ITGB6: variants seen among roughly 807,000 people sequenced by gnomAD.
ITGB6 encodes integrin beta-6.
In ITGB6, 80 loss-of-function variants were observed where a neutral mutation model predicts 84.5. The ratio of observed to expected loss-of-function variants is 0.95; its 90% CI spans 0.79 to 1.14. The LOEUF (loss-of-function observed/expected upper bound fraction) is 1.14, where lower values mean the gene tolerates loss of function less well. Ranked by LOEUF, ITGB6 falls within the 50% of genes most tolerant of loss-of-function variation. ITGB6 has a pLI of 0.00. For missense variants in ITGB6, 1,006 were observed against 968.0 expected (o/e 1.04, Z -0.52); for synonymous variants, 383 against 354.9 (o/e 1.08, Z -0.89).
chr2:160,142,038 C>G lies in ITGB6; in HGVS notation c.1051G>C (p.Gly351Arg). 2 of 1,607,960 alleles carry G rather than the reference C, an allele frequency of 1.2e-6. No homozygotes were observed. The highest frequency in any genetic ancestry group is 1.7e-6 in the Non-Finnish European group (2 of 1,176,148). Residue 351 changes from glycine (G) to arginine (R), a missense_variant, in exon 8 of 15, where the codon GGT becomes CGT. Gly to Arg is a moderately radical substitution (Grantham distance 125, BLOSUM62 -2). Coordinates refer to ENST00000283249, the MANE Select transcript of ITGB6 (RefSeq NM_000888.5). ...TTTCCGGAGTCCTTCTGAAGTAGAC[C>G]TACTGTAGCTCCAGGAATAAGTTTT... is the stretch of plus-strand genomic sequence containing the variant. The part of the protein sequence containing the change: ...YAKLIPGATV[G>R]LLQKDSGNIL...
chr2:160,178,688 C>T (rs867190232), intron 4 of ITGB6, among the ~76,000 whole-genome samples: 2 of 103,744 alleles, frequency 1.9e-5, no homozygotes, highest in African/African-American at 6.9e-5. Flanking sequence ...CTCTCTCTCT[C>T]TTTTTTTTTT....
chr2:160,162,198 A>T (rs184387602), intron 7 of ITGB6, among the ~76,000 whole-genome samples: 31 of 152,310 alleles, frequency 2.0e-4, no homozygotes, highest in Admixed American at 2.0e-3. Flanking sequence ...AATGGCTAAA[A>T]TGTAAAGTTT....
intron 7 of ITGB6, among the ~76,000 whole-genome samples, chr2:160,160,783 G>C (rs1381929044): frequency 6.6e-6 from 1 of 152,130 alleles, no homozygotes; most frequent in East Asian, 1.9e-4. Flanking sequence ...CAAACTTACA[G>C]TCCGGGCCAG....
chr2:160,101,489 T>C lies in ITGB6; in HGVS notation c.*247A>G, dbSNP rs1696718231. ...AATCATTTGATGATTTTTTGAAGCATTAATGCAACAGAGTTAGTATTCCTC... is the reference window on the plus strand; with the variant it reads ...AATCATTTGATGATTTTTTGAAGCACTAATGCAACAGAGTTAGTATTCCTC... On this transcript the variant is annotated 3_prime_UTR_variant, in exon 15 of 15. Coordinates refer to ENST00000283249, the MANE Select transcript of ITGB6 (RefSeq NM_000888.5). The C allele has an allele frequency of 2.5e-6, 1 of 398,480 alleles. No individual in the cohort carries two copies. The highest frequency in any genetic ancestry group is 4.5e-6 in the Non-Finnish European group (1 of 223,858). 24.7% of individuals were successfully genotyped at this position (398,480 alleles called of 1,614,324 possible). A position where few individuals can be genotyped will look rare whatever the true frequency, so the allele number is the denominator to read the frequency against.
At chr2:160,152,514 A>G (rs1272272570) in intron 7 of ITGB6, among the ~76,000 whole-genome samples, 1 of 152,232 alleles carries the variant, frequency 6.6e-6, no homozygotes, top group Non-Finnish European at 1.5e-5. Context: ...AAAAACTGGA[A>G]GCATTCCCTT....
chr2:160,195,422 T>A lies in ITGB6; in HGVS notation c.540A>T (p.Lys180Asn), dbSNP rs2105897644. Residue 180 changes from lysine (K) to asparagine (N), a missense_variant, in exon 4 of 15, where the codon AAA (lysine) becomes AAT (asparagine). Coordinates refer to ENST00000283249, the MANE Select transcript of ITGB6 (RefSeq NM_000888.5). The part of the protein sequence containing the change: ...FRLGFGSFVE[K>N]PVSPFVKTTP... ...TTGTTTTCACAAAAGGGGATACAGG[T>A]TTTTCCACAAAAGATCCGAAGCCCA... 1.9e-6 allele frequency: 3 copies of A among 1,614,090 alleles called. No individual in the cohort carries two copies. Among genetic ancestry groups the A allele is most frequent in the Non-Finnish European group, 2.5e-6 (3 of 1,179,990 alleles).
chr2:160,131,484 A>G (rs1683466588), intron 10 of ITGB6, among the ~76,000 whole-genome samples: 1 of 152,206 alleles, frequency 6.6e-6, no homozygotes, highest in African/African-American at 2.4e-5. Flanking sequence ...TGTTGCAAAT[A>G]AAACAACAGC....
chr2:160,129,931 T>C (rs1452867322), intron 10 of ITGB6, among the ~76,000 whole-genome samples: 4 of 152,176 alleles, frequency 2.6e-5, no homozygotes, highest in Non-Finnish European at 4.4e-5. Context: ...TGTGTGTATA[T>C]ATATATGTAT....
intron 12 of ITGB6, among the ~76,000 whole-genome samples, chr2:160,116,213 G>T (rs1284150874): frequency 3.3e-5 from 5 of 151,924 alleles, no homozygotes; most frequent in African/African-American, 1.2e-4. Flanking sequence ...ACAATTATCA[G>T]ATTCACCAAA....
intron 4 of ITGB6, among the ~76,000 whole-genome samples, chr2:160,184,953 T>A (rs1341713256): frequency 6.6e-6 from 1 of 152,142 alleles, no homozygotes; most frequent in African/African-American, 2.4e-5. Context: ...AAACTCTCAA[T>A]AAACTAGGTA....
intron 4 of ITGB6, among the ~76,000 whole-genome samples, chr2:160,190,338 A>G (rs1247642324): frequency 6.6e-6 from 1 of 152,162 alleles, no homozygotes; most frequent in Non-Finnish European, 1.5e-5. Context: ...CATGTACCCT[A>G]AAACTTAAAG....
At chr2:160,126,041 G>A (rs566799508) in intron 11 of ITGB6, among the ~76,000 whole-genome samples, 2 of 152,290 alleles carry the variant, frequency 1.3e-5, no homozygotes, top group South Asian at 2.1e-4. Flanking sequence ...GGTGTCATCC[G>A]TCTACCTCCA....
At chr2:160,159,941 A>C (rs1408480898) in intron 7 of ITGB6, among the ~76,000 whole-genome samples, 1 of 152,146 alleles carries the variant, frequency 6.6e-6, no homozygotes, top group African/African-American at 2.4e-5. Context: ...TGAGGACAAA[A>C]CAGTGTCTTT....
At position 160,179,547 on chromosome 2, in the gene ITGB6, A is replaced by AT. The variant is rs575984830; in HGVS notation, c.594-5409dup. Among the ~76,000 whole-genome samples, 611 of 136,630 alleles carry AT rather than the reference A, an allele frequency of 4.5e-3. 1 individual carries two copies. Among genetic ancestry groups the AT allele is most frequent in the South Asian group, 8.0e-3 (34 of 4,232 alleles). 89.6% of individuals were successfully genotyped at this position (136,630 alleles called of 152,430 possible). A position where few individuals can be genotyped will look rare whatever the true frequency, so the allele number is the denominator to read the frequency against. On this transcript the variant is annotated intron_variant, in intron 4 of 14. Coordinates refer to ENST00000283249, the MANE Select transcript of ITGB6 (RefSeq NM_000888.5). The stretch of plus-strand genomic sequence containing the variant: ...AGGCATGCACCACCACGTCCAGCTA[A>AT]TTTTTTTTTTTTTTTTGGTATTTTT...
At chr2:160,155,230 G>T (rs1313611193) in intron 7 of ITGB6, among the ~76,000 whole-genome samples, 2 of 152,122 alleles carry the variant, frequency 1.3e-5, no homozygotes, top group African/African-American at 4.8e-5. Context: ...GTAGTATTTT[G>T]ACCATGTGGC....
intron 4 of ITGB6, among the ~76,000 whole-genome samples, chr2:160,193,244 T>C (rs1235956689): frequency 6.6e-6 from 1 of 152,010 alleles, no homozygotes. Context: ...TGTCCACCAA[T>C]AAAAGAGTAA....
chr2:160,184,996 G>A (rs7581285), intron 4 of ITGB6, among the ~76,000 whole-genome samples: 89,041 of 151,894 alleles, frequency 0.59, 26,895 homozygotes, highest in East Asian at 0.77. Context: ...AATAAGAGCT[G>A]TTCATGACAA....
rs545031548 is a variant in ITGB6 at position 160,121,882 on chromosome 2, A to T, written c.1981+1909T>A. On this transcript the variant is annotated intron_variant, in intron 12 of 14. Coordinates refer to ENST00000283249, the MANE Select transcript of ITGB6 (RefSeq NM_000888.5). ...GAGGAACAATTCATACAGATTATAA[A>T]GTTATGCTTTTTTTTTTTACTCCTG... Among the ~76,000 whole-genome samples the T allele has an allele frequency of 1.4e-4, 21 of 151,444 alleles. No homozygotes were observed. In the South Asian group the frequency reaches 4.0e-3, roughly 29 times the overall value.
chr2:160,178,249 A>G (rs1414269925), intron 4 of ITGB6, among the ~76,000 whole-genome samples: 1 of 152,224 alleles, frequency 6.6e-6, no homozygotes, highest in Non-Finnish European at 1.5e-5. Flanking sequence ...GAATGATCAT[A>G]ATATCTATTT....
Sources: allele counts gnomAD v4.1 joint callset (sites outside exome capture counted in the v4.1 genomes callset), GRCh38; gene constraint gnomAD v4.1.1; transcripts MANE v1.5; gene names NCBI Gene and HGNC (gene_info 2026-07-23, HGNC 2026-07-21).